The following ELSPBP1 variants were observed in gnomAD, a reference collection of about 807,000 sequenced individuals.
ELSPBP1 encodes the protein epididymal sperm binding protein 1.
In ELSPBP1, 38 loss-of-function variants were observed where a neutral mutation model predicts 33.3. That is an observed-to-expected ratio of 1.14 (90% CI 0.88 to 1.50). The LOEUF is 1.50. Among genes scored for constraint, ELSPBP1 ranks in the 40% most tolerant of loss-of-function variants. ELSPBP1 has a pLI of 0.00. For synonymous variants in ELSPBP1, 85 were observed against 94.1 expected (o/e 0.90, Z 0.56); for missense variants, 267 against 263.5 (o/e 1.01, Z -0.09).
rs571861106 is a variant in ELSPBP1, at chr19:48,021,332, A to C, written c.515-838A>C. 4.6e-5 allele frequency among the ~76,000 whole-genome samples: 7 copies of C among 151,098 alleles called. 1 individual carries two copies. In the South Asian group the frequency reaches 1.5e-3, roughly 32 times the overall value. ...TGTGAACAAAATTCTTCTTTGGCTT[A>C]GGTTTAGGTCGGCATTCTGAGCAGT... On this transcript the variant is annotated intron_variant, in intron 5 of 6. Coordinates refer to ENST00000339841, the MANE Select transcript of ELSPBP1 (RefSeq NM_022142.5).
intron 1 of ELSPBP1, among the ~76,000 whole-genome samples, chr19:48,002,747 G>C (rs11665777): frequency 1.3e-5 from 2 of 152,060 alleles, no homozygotes; most frequent in African/African-American, 4.8e-5. Context: ...AGCTAAGATC[G>C]TGCCACTGCA....
intron 2 of ELSPBP1, among the ~76,000 whole-genome samples, chr19:48,013,406 C>A (rs1281278377): frequency 6.6e-6 from 1 of 152,154 alleles, no homozygotes; most frequent in East Asian, 1.9e-4. Context: ...TGTCTCAGTC[C>A]ATTTGGGTTG....
chr19:48,008,393 T>A (rs371993888), intron 1 of ELSPBP1, among the ~76,000 whole-genome samples: 2 of 152,276 alleles, frequency 1.3e-5, no homozygotes, highest in East Asian at 3.9e-4. Flanking sequence ...CCACCATGCC[T>A]GGCTAATTTA....
intron 1 of ELSPBP1, among the ~76,000 whole-genome samples, chr19:48,008,417 T>C (rs1183161772): frequency 1.3e-5 from 2 of 152,164 alleles, no homozygotes; most frequent in Non-Finnish European, 2.9e-5. Flanking sequence ...GAAAATTTTG[T>C]AGAGGTGGGG....
At chr19:48,019,318 C>G (rs901542780) in intron 4 of ELSPBP1, among the ~76,000 whole-genome samples, 9 of 151,938 alleles carry the variant, frequency 5.9e-5, no homozygotes, top group African/African-American at 2.2e-4. Context: ...GGTGAAATGA[C>G]CAAAGATGGG....
At chr19:48,005,789 C>T (rs1282036245) in intron 1 of ELSPBP1, among the ~76,000 whole-genome samples, 2 of 152,176 alleles carry the variant, frequency 1.3e-5, no homozygotes, top group Non-Finnish European at 2.9e-5. Flanking sequence ...AGTTCACTTG[C>T]AAGTTCTCCA....
At chr19:47,997,603 T>C (rs922317669) in intron 1 of ELSPBP1, among the ~76,000 whole-genome samples, 1 of 152,198 alleles carries the variant, frequency 6.6e-6, no homozygotes, top group Non-Finnish European at 1.5e-5. Flanking sequence ...ATTTATTTAA[T>C]AGACATGGTG....
rs529409700 is a variant in ELSPBP1, at chr19:48,021,525, C to T, written c.515-645C>T. On this transcript the variant is annotated intron_variant, in intron 5 of 6. Coordinates refer to ENST00000339841, the MANE Select transcript of ELSPBP1 (RefSeq NM_022142.5). ...CGTGATCTCGGCTCACTGCAACCTC[C>T]GCCTCCTGGGTTCAAGCGATTCTTC... 4.6e-5 allele frequency among the ~76,000 whole-genome samples: 7 copies of T among 151,934 alleles called. No homozygotes were observed. In the South Asian group the frequency reaches 8.3e-4, roughly 18 times the overall value.
At chr19:48,014,545 G>T in intron 3 of ELSPBP1, among the ~76,000 whole-genome samples, 1 of 129,738 alleles carries the variant, frequency 7.7e-6, no homozygotes, top group Non-Finnish European at 1.6e-5. Context: ...GCGGGGGGAG[G>T]GATAGCATTA....
chr19:48,024,036 A>ATTTTTTTT (rs111833936), intron 6 of ELSPBP1, among the ~76,000 whole-genome samples: 1 of 131,912 alleles, frequency 7.6e-6, no homozygotes, highest in Non-Finnish European at 1.6e-5. Context: ...ATGCCCAGCA[A>ATTTTTTTT]TTTTTTTTTT....
chr19:48,009,136 CA>C (rs59636614), intron 2 of ELSPBP1, among the ~76,000 whole-genome samples: 18,595 of 136,206 alleles, frequency 0.14, 1,910 homozygotes, highest in African/African-American at 0.31. Flanking sequence ...AACTCCCTCT[CA>C]AAAAAAAAAA....
intron 5 of ELSPBP1, among the ~76,000 whole-genome samples, chr19:48,021,903 C>T (rs1967204388): frequency 6.6e-6 from 1 of 152,064 alleles, no homozygotes; most frequent in Non-Finnish European, 1.5e-5. Flanking sequence ...TACACCACAC[C>T]CAACTAATTA....
chr19:47,999,919 C>T (rs1013108319), intron 1 of ELSPBP1, among the ~76,000 whole-genome samples: 4 of 151,664 alleles, frequency 2.6e-5, no homozygotes, highest in African/African-American at 9.7e-5. Flanking sequence ...ATATCCTGGG[C>T]TCAAGTGATC....
chr19:47,997,879 T>C (rs566330184), intron 1 of ELSPBP1, among the ~76,000 whole-genome samples: 2 of 152,322 alleles, frequency 1.3e-5, no homozygotes, highest in South Asian at 2.1e-4. Context: ...ACATCTGTGA[T>C]AAAAACTTAA....
intron 1 of ELSPBP1, among the ~76,000 whole-genome samples, chr19:48,003,484 G>A (rs1425218554): frequency 1.3e-5 from 2 of 151,832 alleles, no homozygotes; most frequent in Non-Finnish European, 2.9e-5. Context: ...TATGGACTAG[G>A]GATTGTATTC....
At chr19:48,024,743 G>A (rs1967252298) in intron 6 of ELSPBP1, among the ~76,000 whole-genome samples, 1 of 152,170 alleles carries the variant, frequency 6.6e-6, no homozygotes, top group African/African-American at 2.4e-5. Context: ...CCTTAGCATA[G>A]AGGTGAGATT....
chr19:47,996,590 A>G (rs981313361), intron 1 of ELSPBP1, among the ~76,000 whole-genome samples: 1 of 151,918 alleles, frequency 6.6e-6, no homozygotes, highest in African/African-American at 2.4e-5. Flanking sequence ...AAGATAGATG[A>G]AAAGATGGAT....
Position 48,019,836 on chromosome 19 carries a change from AC to A in ELSPBP1, c.474del (p.Asn158LysfsTer83). On this transcript the variant is annotated frameshift_variant, in exon 5 of 7. Transcript: ENST00000339841. LOFTEE classifies it high-confidence loss of function. The part of the protein sequence containing the change: ...SNKLWCPTTE[N>X]MDKDGKWSFC... ...AAGCTCTGGTGCCCAACCACAGAGA[AC>A]ATGGATAAGGATGGAAAGTGGAGTT... The A allele has an allele frequency of 6.2e-7, 1 of 1,613,858 alleles. No individual in the cohort carries two copies. Among genetic ancestry groups the A allele is most frequent in the Non-Finnish European group, 8.5e-7 (1 of 1,179,900 alleles).
intron 2 of ELSPBP1, among the ~76,000 whole-genome samples, chr19:48,012,119 GT>G (rs1291921140): frequency 1.3e-5 from 2 of 151,842 alleles, no homozygotes. Context: ...TTTGTTTTTT[GT>G]TTTGTTCTGT....
Sources: gnomAD v4.1 joint callset for allele counts (sites outside exome capture counted in the v4.1 genomes callset) on GRCh38, gnomAD v4.1.1 for gene constraint, MANE v1.5 for transcripts, NCBI Gene and HGNC (gene_info 2026-07-23, HGNC 2026-07-21) for gene names.